Variants in HACE1 observed in about 807,000 individuals in gnomAD.
HACE1 encodes the protein E3 ubiquitin-protein ligase HACE1.
Under a neutral mutation model 118.4 loss-of-function variants are expected in HACE1, and 73 were observed. The observed-to-expected ratio is 0.62, with a 90% CI of 0.51 to 0.75. The LOEUF is 0.75. HACE1 is among the 30% of genes least tolerant of loss of function. The pLI is 0.00. For synonymous variants in HACE1, 368 were observed against 374.8 expected (o/e 0.98, Z 0.21); for missense variants, 749 against 1,102.2 (o/e 0.68, Z 4.54).
intron 22 of HACE1, among the ~76,000 whole-genome samples, chr6:104,738,713 G>A (rs575998264): frequency 6.7e-6 from 1 of 148,758 alleles, no homozygotes; most frequent in African/African-American, 2.5e-5. Context: ...GAAAGTGATG[G>A]GGAGAATGGA....
intron 2 of HACE1, among the ~76,000 whole-genome samples, chr6:104,851,224 C>A (rs923251510): frequency 2.0e-5 from 3 of 152,296 alleles, no homozygotes; most frequent in Admixed American, 2.0e-4. Flanking sequence ...GCCAGGACTA[C>A]AGGCGCATGC....
At chr6:104,832,992 A>AT in intron 6 of HACE1, 50 bp downstream of exon 6, 1 of 1,554,852 alleles carries the variant, frequency 6.4e-7, no homozygotes, top group Non-Finnish European at 8.9e-7. Flanking sequence ...CATGAAATCA[A>AT]TTTTAAAAAA....
chr6:104,837,507 G>C lies in HACE1; in HGVS notation c.403-4334C>G, dbSNP rs191757831. Among the ~76,000 whole-genome samples, 75 of 152,240 alleles carry C rather than the reference G, an allele frequency of 4.9e-4. 1 individual carries two copies. The highest frequency in any genetic ancestry group is 7.5e-4 in the Non-Finnish European group (51 of 68,016). Reference sequence around the variant, plus strand: ...AAACAGTAACTCAAAAGAGATCATAGACTTAAATGTAAAACACAGAAACAT... The same window carrying C: ...AAACAGTAACTCAAAAGAGATCATACACTTAAATGTAAAACACAGAAACAT... On this transcript the variant is annotated intron_variant, in intron 5 of 23. Coordinates refer to ENST00000262903, the MANE Select transcript of HACE1 (RefSeq NM_020771.4).
rs1774949413 is a variant in HACE1, at chr6:104,729,236, A to G, written c.*426T>C. 5.5e-6 allele frequency: 1 copy of G among 180,360 alleles called. No individual in the cohort carries two copies. The highest frequency in any genetic ancestry group is 2.4e-5 in the African/African-American group (1 of 41,686). 11.2% of individuals were successfully genotyped at this position (180,360 alleles called of 1,614,324 possible). A position where few individuals can be genotyped will look rare whatever the true frequency, so the allele number is the denominator to read the frequency against. On this transcript the variant is annotated 3_prime_UTR_variant, in exon 24 of 24. Coordinates refer to ENST00000262903, the MANE Select transcript of HACE1 (RefSeq NM_020771.4). ...CCATTCTATACAATAGTTTTCTAAA[A>G]TATAAATGGCAGTTTACATGCAAAA...
intron 6 of HACE1, among the ~76,000 whole-genome samples, chr6:104,822,317 A>C (rs1772833392): frequency 6.7e-6 from 1 of 150,012 alleles, no homozygotes; most frequent in East Asian, 2.0e-4. Context: ...CAGGAGGCAG[A>C]GCTTGCAGTG....
intron 6 of HACE1, among the ~76,000 whole-genome samples, chr6:104,811,650 C>T (rs1168065219): frequency 6.6e-6 from 1 of 152,048 alleles, no homozygotes; most frequent in Non-Finnish European, 1.5e-5. Context: ...TTTAGAGCAG[C>T]ACTGTATCAA....
chr6:104,737,120 C>T (rs1775934748), intron 22 of HACE1, among the ~76,000 whole-genome samples: 1 of 109,676 alleles, frequency 9.1e-6, no homozygotes, highest in South Asian at 2.6e-4. Flanking sequence ...CTCATCTCTA[C>T]TAAAAAAAAA....
intron 10 of HACE1, among the ~76,000 whole-genome samples, chr6:104,794,977 A>G (rs1282235588): frequency 6.6e-6 from 1 of 152,152 alleles, no homozygotes; most frequent in Non-Finnish European, 1.5e-5. Flanking sequence ...CTAAGAAATA[A>G]TAAGACAATA....
chr6:104,773,761 G>A (rs570988951), intron 17 of HACE1, among the ~76,000 whole-genome samples: 40 of 145,194 alleles, frequency 2.8e-4, no homozygotes, highest in Non-Finnish European at 5.1e-4. Context: ...AATAGATAAG[G>A]AGACTTTTTT....
intron 18 of HACE1, 84 bp downstream of exon 18, chr6:104,771,841 A>C: frequency 1.0e-6 from 1 of 964,322 alleles, no homozygotes; most frequent in South Asian, 1.4e-5. Flanking sequence ...TCTCATCCAA[A>C]ATACTACTGC....
intron 22 of HACE1, among the ~76,000 whole-genome samples, chr6:104,736,166 A>C (rs1362087838): frequency 6.6e-6 from 1 of 151,820 alleles, no homozygotes; most frequent in Non-Finnish European, 1.5e-5. Flanking sequence ...AAGTTATTCA[A>C]GCCTCTGAGT....
chr6:104,815,240 T>C (rs899117579), intron 6 of HACE1, among the ~76,000 whole-genome samples: 4 of 138,316 alleles, frequency 2.9e-5, no homozygotes, highest in Non-Finnish European at 6.2e-5. Context: ...GAGGAACTTA[T>C]TGGCAACTGG....
At chr6:104,851,056 T>A in intron 2 of HACE1, 60 bp from the exon 3 acceptor site, 1 of 933,526 alleles carries the variant, frequency 1.1e-6, no homozygotes, top group Non-Finnish European at 1.8e-6. Flanking sequence ...ACATAATAAA[T>A]CAAGTTAACA....
chr6:104,845,578 C>T (rs1422725606), intron 4 of HACE1, among the ~76,000 whole-genome samples: 1 of 150,368 alleles, frequency 6.7e-6, no homozygotes, highest in Non-Finnish European at 1.5e-5. Flanking sequence ...CCCAGGTTCA[C>T]GCCATTCTCC....
rs546840499 is a variant in HACE1 at position 104,744,471 on chromosome 6, G to A, written c.2442+41C>T. ...TGCTGAAAAGCTTACAAAATTAAAC[G>A]GCAAAACTTAACTTCATTCTAAGCT... On this transcript the variant is annotated intron_variant, in intron 21 of 23. Transcript: ENST00000262903. 4.3e-4 allele frequency: 483 copies of A among 1,127,782 alleles called. 3 individuals carry two copies. In the South Asian group the frequency reaches 4.4e-3, roughly 10 times the overall value. 69.9% of individuals were successfully genotyped at this position (1,127,782 alleles called of 1,614,324 possible). A position where few individuals can be genotyped will look rare whatever the true frequency, so the allele number is the denominator to read the frequency against.
At chr6:104,757,917 C>T (rs774218775) in intron 19 of HACE1, among the ~76,000 whole-genome samples, 6 of 151,896 alleles carry the variant, frequency 4.0e-5, no homozygotes, top group Non-Finnish European at 7.4e-5. Context: ...CTCCAATAGC[C>T]GATTCGATCA....
Position 104,859,486 on chromosome 6 carries a change from C to T in HACE1, c.76+81G>A, listed in dbSNP as rs553800296. ...CTCAGCTTTCAGTTAGTTTTTCCAC[C>T]CGACCTTGACGCGGCCGGAGCTCCT... is the stretch of plus-strand genomic sequence containing the variant. On this transcript the variant is annotated intron_variant, in intron 1 of 23. Transcript: ENST00000262903. 44 of 1,069,702 alleles carry T rather than the reference C, an allele frequency of 4.1e-5. No individual in the cohort carries two copies. In the East Asian group the frequency reaches 1.3e-3, roughly 31 times the overall value. 66.3% of individuals were successfully genotyped at this position (1,069,702 alleles called of 1,614,324 possible). A position where few individuals can be genotyped will look rare whatever the true frequency, so the allele number is the denominator to read the frequency against.
intron 6 of HACE1, among the ~76,000 whole-genome samples, chr6:104,829,668 C>A (rs1773667783): frequency 6.6e-6 from 1 of 152,066 alleles, no homozygotes; most frequent in South Asian, 2.1e-4. Flanking sequence ...CTATAATTGA[C>A]CAACTATGAC....
chr6:104,782,263 G>A (rs1458153939), intron 14 of HACE1: 2 of 152,606 alleles, frequency 1.3e-5, no homozygotes, highest in East Asian at 1.9e-4. Context: ...TAAGGCAGGT[G>A]GATCACTTGA....
Sources: gnomAD v4.1 joint callset for allele counts (sites outside exome capture counted in the v4.1 genomes callset) on GRCh38, gnomAD v4.1.1 for gene constraint, MANE v1.5 for transcripts, NCBI Gene and HGNC (gene_info 2026-07-23, HGNC 2026-07-21) for gene names.